The following NFASC variants were observed in gnomAD, a reference collection of about 807,000 sequenced individuals.
The protein encoded by NFASC is neurofascin.
A neutral mutation model predicts 147.5 loss-of-function variants in NFASC; 43 were observed. The ratio of observed to expected loss-of-function variants is 0.29; its 90% CI spans 0.23 to 0.38. The LOEUF is 0.38. NFASC is among the 10% of genes least tolerant of loss of function. The pLI, the probability that NFASC is intolerant of heterozygous loss-of-function variation, is 1.00. For missense variants in NFASC, 1,320 were observed against 1,689.0 expected (o/e 0.78, Z 3.83); for synonymous variants, 622 against 665.5 (o/e 0.93, Z 1.01).
intron 20 of NFASC, 61 bp downstream of exon 20, chr1:204,980,501 T>C: frequency 8.1e-7 from 1 of 1,238,058 alleles, no homozygotes; most frequent in Admixed American, 1.9e-5. Context: ...CGGGAGCCCC[T>C]CTCCCTTGAT....
chr1:204,864,846 A>G (rs1252431631), intron 1 of NFASC, among the ~76,000 whole-genome samples: 1 of 152,206 alleles, frequency 6.6e-6, no homozygotes, highest in African/African-American at 2.4e-5. Context: ...AGCCTACCCT[A>G]GAGAACCTTG....
At chr1:204,913,868 G>A (rs1363127955) in intron 1 of NFASC, among the ~76,000 whole-genome samples, 1 of 150,966 alleles carries the variant, frequency 6.6e-6, no homozygotes, top group Non-Finnish European at 1.5e-5. Context: ...ACTCCAGCCT[G>A]GGCAACACAG....
chr1:204,898,202 C>T (rs1476872565), intron 1 of NFASC, among the ~76,000 whole-genome samples: 2 of 152,162 alleles, frequency 1.3e-5, no homozygotes, highest in African/African-American at 2.4e-5. Context: ...ATTTTCTGAA[C>T]CGCTGCATTA....
intron 3 of NFASC, among the ~76,000 whole-genome samples, chr1:204,947,939 C>T (rs1191436763): frequency 6.6e-6 from 1 of 151,772 alleles, no homozygotes; most frequent in Non-Finnish European, 1.5e-5. Flanking sequence ...CACTCACACC[C>T]TCACATATCC....
intron 1 of NFASC, among the ~76,000 whole-genome samples, chr1:204,873,707 AAG>A (rs2078177970): frequency 1.3e-5 from 2 of 152,176 alleles, no homozygotes; most frequent in Non-Finnish European, 2.9e-5. Context: ...AGCCAGAGAA[AAG>A]AGCCCCTCAG....
In NFASC at chr1:204,902,366, C is replaced by T. The variant is rs150821181; in HGVS notation, c.-199-18266C>T. Among the ~76,000 whole-genome samples, 55 of 152,280 alleles carry T rather than the reference C, an allele frequency of 3.6e-4. 1 individual carries two copies. In the East Asian group the frequency reaches 6.0e-3, roughly 17 times the overall value. On this transcript the variant is annotated intron_variant, in intron 1 of 29. Coordinates refer to ENST00000339876, the MANE Select transcript of NFASC (RefSeq NM_001005388.3). The stretch of plus-strand genomic sequence containing the variant: ...GGCCTATTACACATATCAACTAATA[C>T]GTTGGCCTTATTTGGATTCTGACTC...
intron 7 of NFASC, among the ~76,000 whole-genome samples, chr1:204,956,745 G>A (rs537656430): frequency 1.3e-5 from 2 of 152,198 alleles, no homozygotes; most frequent in South Asian, 4.1e-4. Flanking sequence ...CCCATTATGG[G>A]GAAGTTGGCA....
At chr1:204,945,187 G>GGC (rs1474345489) in intron 3 of NFASC, among the ~76,000 whole-genome samples, 1 of 152,132 alleles carries the variant, frequency 6.6e-6, no homozygotes, top group Non-Finnish European at 1.5e-5. Flanking sequence ...CAAGCTCCTC[G>GGC]GCCCTGCCTT....
intron 1 of NFASC, among the ~76,000 whole-genome samples, chr1:204,917,748 ACT>A (rs1160636189): frequency 1.3e-5 from 2 of 151,202 alleles, no homozygotes; most frequent in African/African-American, 2.4e-5. Flanking sequence ...GGTCTTTGAC[ACT>A]CTGTTTGCTT....
At chr1:204,883,973 G>A (rs2080828635) in intron 1 of NFASC, among the ~76,000 whole-genome samples, 1 of 152,196 alleles carries the variant, frequency 6.6e-6, no homozygotes, top group Non-Finnish European at 1.5e-5. Context: ...ACCCAGGTGG[G>A]TAACCCAGTG....
chr1:204,968,504 G>T lies in NFASC; in HGVS notation c.818+144G>T. On this transcript the variant is annotated intron_variant, in intron 9 of 29. Coordinates refer to ENST00000339876, the MANE Select transcript of NFASC (RefSeq NM_001005388.3). This position sits in a 1 kb window ranked among gnomAD's most constrained non-coding sequence, Gnocchi z 5.4. ...GCAAACAGCCTCTAGTGAGCAGGGT[G>T]TTGCAAACCATAGTCATCTCCATCC... 1.5e-6 allele frequency: 1 copy of T among 654,424 alleles called. No individual in the cohort carries two copies. Among genetic ancestry groups the T allele is most frequent in the South Asian group, 1.9e-5 (1 of 53,368 alleles). 40.5% of individuals were successfully genotyped at this position (654,424 alleles called of 1,614,324 possible).
At chr1:204,910,683 TG>T (rs371632031) in intron 1 of NFASC, among the ~76,000 whole-genome samples, 6 of 152,040 alleles carry the variant, frequency 3.9e-5, no homozygotes, top group African/African-American at 1.4e-4. Context: ...AAATTTTTTT[TG>T]TAGGGAGAAG....
Position 205,016,848 on chromosome 1 carries a change from T to A in NFASC, c.*309T>A. 26 of 456,560 alleles carry A rather than the reference T, an allele frequency of 5.7e-5. No homozygotes were observed. Among genetic ancestry groups the A allele is most frequent in the Admixed American group, 2.0e-4 (6 of 29,646 alleles). The allele number at this position is 456,560 out of a possible 1,614,324, so 28.3% of individuals were successfully genotyped here. A position where few individuals can be genotyped will look rare whatever the true frequency, so the allele number is the denominator to read the frequency against. On this transcript the variant is annotated 3_prime_UTR_variant, in exon 30 of 30. Transcript: ENST00000339876. The surrounding 1 kb of genome is among the most constrained non-coding windows in gnomAD (Gnocchi z 5.1). ...AGCGTTCCACCACACTGTCCGCCCT[T>A]GGCCTCGGCACACGCTCACCTTTTC...
chr1:204,844,806 A>G (rs1288893983), intron 1 of NFASC, among the ~76,000 whole-genome samples: 3 of 152,152 alleles, frequency 2.0e-5, no homozygotes, highest in African/African-American at 7.2e-5. Context: ...ACAGACTGAG[A>G]GTTTTTAAGG....
At chr1:204,835,790 C>T (rs761358695) in intron 1 of NFASC, among the ~76,000 whole-genome samples, 4 of 152,174 alleles carry the variant, frequency 2.6e-5, no homozygotes, top group Middle Eastern at 3.4e-3. Flanking sequence ...TCTCTGAGCA[C>T]GTACGATGCC....
chr1:204,831,989 C>T (rs567897354), intron 1 of NFASC, among the ~76,000 whole-genome samples: 12 of 152,254 alleles, frequency 7.9e-5, no homozygotes, highest in African/African-American at 2.6e-4. Context: ...CCCTGCTCTC[C>T]ACAGCTATGA....
In NFASC at chr1:205,015,671, C is replaced by T. The variant is rs12097423; in HGVS notation, c.3492-637C>T. Among the ~76,000 whole-genome samples the T allele has an allele frequency of 6.6e-6, 1 of 151,846 alleles. No homozygotes were observed. The highest frequency in any genetic ancestry group is 2.4e-5 in the African/African-American group (1 of 41,198). The stretch of plus-strand genomic sequence containing the variant: ...CATCACCTGCTTACCTGTGTGCCCC[C>T]CCACCACCACCACTCTTGCGCACCT... On this transcript the variant is annotated intron_variant, in intron 29 of 29. Coordinates refer to ENST00000339876, the MANE Select transcript of NFASC (RefSeq NM_001005388.3). This position sits in a 1 kb window ranked among gnomAD's most constrained non-coding sequence, Gnocchi z 4.0.
Position 205,010,409 on chromosome 1 carries a change from T to G in NFASC, c.3421+721T>G, listed in dbSNP as rs1213097666. 6.6e-6 allele frequency: 1 copy of G among 152,038 alleles called. No homozygotes were observed. The highest frequency in any genetic ancestry group is 2.4e-5 in the African/African-American group (1 of 41,360). 9.4% of individuals were successfully genotyped at this position (152,038 alleles called of 1,614,324 possible). A position where few individuals can be genotyped will look rare whatever the true frequency, so the allele number is the denominator to read the frequency against. ...GAGTTTGAGGCCAGCCCAACCAACATGACGAAACTCCGTCTCTACTAAATA... is the reference window on the plus strand; with the variant it reads ...GAGTTTGAGGCCAGCCCAACCAACAGGACGAAACTCCGTCTCTACTAAATA... On this transcript the variant is annotated intron_variant, in intron 28 of 29. Coordinates refer to ENST00000339876, the MANE Select transcript of NFASC (RefSeq NM_001005388.3). This position sits in a 1 kb window ranked among gnomAD's most constrained non-coding sequence, Gnocchi z 4.1.
At chr1:204,973,183 C>T (rs956312332) in intron 11 of NFASC, 93 bp from the exon 12 acceptor site, 9 of 1,411,364 alleles carry the variant, frequency 6.4e-6, no homozygotes, top group Non-Finnish European at 8.8e-6. Flanking sequence ...CCACAGCACC[C>T]CGCTTGTTCC....
Sources: allele counts gnomAD v4.1 joint callset (sites outside exome capture counted in the v4.1 genomes callset), GRCh38; gene constraint gnomAD v4.1.1; non-coding constraint Gnocchi (gnomAD v3.1); transcripts MANE v1.5; gene names NCBI Gene and HGNC (gene_info 2026-07-23, HGNC 2026-07-21).